Variants in GCNT2 observed in about 807,000 individuals in gnomAD.
GCNT2 encodes the protein N-acetyllactosaminide beta-1,6-N-acetylglucosaminyl-transferase.
Under a neutral mutation model 34.2 loss-of-function variants are expected in GCNT2, and 34 were observed. That is an observed-to-expected ratio of 1.00 (90% confidence interval 0.76 to 1.32). The LOEUF (loss-of-function observed/expected upper bound fraction) is 1.32. Among genes scored for constraint, GCNT2 ranks in the 40% most tolerant of loss-of-function variants. The probability of loss-of-function intolerance (pLI) is 0.00; values close to 1 mark genes in which losing one functional copy is unlikely to be tolerated. For synonymous variants in GCNT2, 212 were observed against 188.0 expected (o/e 1.13, Z -1.04); for missense variants, 584 against 489.4 (o/e 1.19, Z -1.82).
chr6:10,588,992 GGT>G (rs1239060690), intron 3 of GCNT2, among the ~76,000 whole-genome samples: 1 of 143,410 alleles, frequency 7.0e-6, no homozygotes, highest in Non-Finnish European at 1.5e-5. Flanking sequence ...GTGGTTGTGT[GGT>G]GTGGGTGTGT....
At chr6:10,544,570 C>G (rs1288422286) in intron 3 of GCNT2, among the ~76,000 whole-genome samples, 8 of 150,624 alleles carry the variant, frequency 5.3e-5, no homozygotes, top group Admixed American at 2.6e-4. Flanking sequence ...CCACACTGCA[C>G]TCCAGCCTGG....
At chr6:10,560,140 G>C (rs1459524146) in intron 3 of GCNT2, among the ~76,000 whole-genome samples, 1 of 152,126 alleles carries the variant, frequency 6.6e-6, no homozygotes, top group Non-Finnish European at 1.5e-5. Flanking sequence ...CCAGGCTGGA[G>C]TGCAGTGGTG....
chr6:10,614,648 G>GAGAA (rs1765690038), intron 3 of GCNT2, among the ~76,000 whole-genome samples: 1 of 134,824 alleles, frequency 7.4e-6, no homozygotes, highest in African/African-American at 2.9e-5. Flanking sequence ...AAAAAAAAGA[G>GAGAA]AAAAAGAAGA....
chr6:10,582,351 A>ATATACT, intron 3 of GCNT2, among the ~76,000 whole-genome samples: 2 of 111,202 alleles, frequency 1.8e-5, no homozygotes, highest in African/African-American at 4.3e-5. Flanking sequence ...AATATATAGT[A>ATATACT]ATATTAAATA....
intron 3 of GCNT2, among the ~76,000 whole-genome samples, chr6:10,569,863 T>C (rs6940376): frequency 8.6e-6 from 1 of 116,162 alleles, no homozygotes; most frequent in Non-Finnish European, 2.2e-5. Flanking sequence ...TTCTTTCTCT[T>C]TCTTTCTTTC....
rs192169515 is a variant in GCNT2, at chr6:10,628,911, A to G, written c.*2304A>G. 2.0e-5 allele frequency: 3 copies of G among 152,428 alleles called. No homozygotes were observed. The East Asian group carries it at 5.8e-4, about 29-fold the overall frequency. 9.4% of individuals were successfully genotyped at this position (152,428 alleles called of 1,614,324 possible). A position where few individuals can be genotyped will look rare whatever the true frequency, so the allele number is the denominator to read the frequency against. On this transcript the variant is annotated 3_prime_UTR_variant, in exon 5 of 5. Transcript: ENST00000495262. ...GTGGCATGTGCCTGTAATCCCAGCTATTTGGCAGGCTGAGGCATGAGAATC... is the reference window on the plus strand; with the variant it reads ...GTGGCATGTGCCTGTAATCCCAGCTGTTTGGCAGGCTGAGGCATGAGAATC...
In GCNT2 at chr6:10,529,803, G is replaced by A. The variant is rs139794913; in HGVS notation, c.892G>A (p.Glu298Lys). 764 of 1,614,010 alleles carry A rather than the reference G, an allele frequency of 4.7e-4. 3 individuals are homozygous for A. The Middle Eastern group carries it at 5.3e-3, about 11-fold the overall frequency. ...GTCCAAGGACACCTACAGCCCCGAC[G>A]AACATTTCTGGGTGACACTCAACAG... ...SWSKDTYSPD[E>K]HFWVTLNRIP... Residue 298 changes from glutamate (E) to lysine (K), a missense_variant, in exon 3 of 5, where the codon GAA (glutamate) becomes AAA (lysine). Physicochemically the swap from Glu to Lys is moderately conservative, Grantham distance 56. Coordinates refer to ENST00000495262, the MANE Select transcript of GCNT2 (RefSeq NM_145649.5).
At chr6:10,573,724 G>A (rs984988387) in intron 3 of GCNT2, among the ~76,000 whole-genome samples, 4 of 151,614 alleles carry the variant, frequency 2.6e-5, no homozygotes, top group South Asian at 2.1e-4. Context: ...TGACCCCATC[G>A]TTAGCTTTTT....
At chr6:10,562,656 GAAAAAAAAAAAA>G (rs57868433) in intron 3 of GCNT2, among the ~76,000 whole-genome samples, 1 of 77,524 alleles carries the variant, frequency 1.3e-5, no homozygotes, top group Non-Finnish European at 2.7e-5. Flanking sequence ...GAACTTCTCT[GAAAAAAAAAAAA>G]AAAAAAAAAC....
chr6:10,626,519 C>T lies in GCNT2; in HGVS notation c.1121C>T (p.Pro374Leu). The T allele has an allele frequency of 6.2e-7, 1 of 1,613,352 alleles. No homozygotes were observed. The highest frequency in any genetic ancestry group is 8.5e-7 in the Non-Finnish European group (1 of 1,179,322). The change falls in exon 5 of 5, where the codon CCC (proline) becomes CTC (leucine). Residue 374 changes from proline to leucine, a missense_variant. Pro to Leu is a moderately conservative substitution (Grantham distance 98, BLOSUM62 -3). Coordinates refer to ENST00000495262, the MANE Select transcript of GCNT2 (RefSeq NM_145649.5). ...AACAAGTTTGAGCTTAATACCTACC[C>T]CCTTACTGTGGAATGCCTAGAACTG... ...FANKFELNTY[P>L]LTVECLELRH...
intron 3 of GCNT2, among the ~76,000 whole-genome samples, chr6:10,568,173 C>T (rs528300940): frequency 3.0e-4 from 45 of 152,276 alleles, no homozygotes; most frequent in African/African-American, 9.1e-4. Context: ...ACTGACCATT[C>T]ACTTCCCTGT....
chr6:10,540,680 G>A (rs974844224), intron 3 of GCNT2, among the ~76,000 whole-genome samples: 1 of 152,206 alleles, frequency 6.6e-6, no homozygotes, highest in Non-Finnish European at 1.5e-5. Flanking sequence ...AAATGGAAGA[G>A]AAATCGTCTG....
intron 3 of GCNT2, among the ~76,000 whole-genome samples, chr6:10,540,121 A>C (rs1353980847): frequency 6.6e-6 from 1 of 151,838 alleles, no homozygotes; most frequent in Non-Finnish European, 1.5e-5. Context: ...GAAGAAAGTA[A>C]AGGATGGAAG....
intron 3 of GCNT2, among the ~76,000 whole-genome samples, chr6:10,546,968 T>G (rs1208109736): frequency 2.0e-5 from 3 of 152,178 alleles, no homozygotes; most frequent in Non-Finnish European, 2.9e-5. Flanking sequence ...TTTTCTTTTA[T>G]GGTTCATGAT....
At chr6:10,602,536 G>A (rs780225751) in intron 3 of GCNT2, among the ~76,000 whole-genome samples, 1 of 152,140 alleles carries the variant, frequency 6.6e-6, no homozygotes, top group Non-Finnish European at 1.5e-5. Context: ...AATAGATAGG[G>A]ACTTAGTTCC....
chr6:10,598,602 G>T (rs1476157142), intron 3 of GCNT2, among the ~76,000 whole-genome samples: 1 of 152,186 alleles, frequency 6.6e-6, no homozygotes, highest in African/African-American at 2.4e-5. Context: ...TCTGACCAAA[G>T]GAGGAAACTG....
In GCNT2 at chr6:10,584,423, G is replaced by A. The variant is rs150171212; in HGVS notation, c.926-36928G>A. ...CATTTGTCATTCCATTCCCAGGGAC[G>A]TGCGGGAGACAGACGCCTTCCTCTT... On this transcript the variant is annotated intron_variant, in intron 3 of 4. Transcript: ENST00000495262. Among the ~76,000 whole-genome samples the A allele has an allele frequency of 4.8e-3, 735 of 152,256 alleles. 8 individuals carry two copies. The highest frequency in any genetic ancestry group is 0.017 in the African/African-American group (706 of 41,536).
In GCNT2 at chr6:10,527,562, C is replaced by G. The variant is rs938646474; in HGVS notation, c.-380C>G. On this transcript the variant is annotated 5_prime_UTR_variant, in exon 2 of 5. In the 5' UTR this introduces an upstream ATG that the reference lacks. Coordinates refer to ENST00000495262, the MANE Select transcript of GCNT2 (RefSeq NM_145649.5). ...CACCGGGTGCAGCTAACCACCACAT[C>G]ATACAAAACTCGTCGCTGACGTTTT... The G allele has an allele frequency of 2.0e-5, 3 of 152,216 alleles. No homozygotes were observed. Among genetic ancestry groups the G allele is most frequent in the Non-Finnish European group, 4.4e-5 (3 of 68,044 alleles). 9.4% of individuals were successfully genotyped at this position (152,216 alleles called of 1,614,324 possible). A position where few individuals can be genotyped will look rare whatever the true frequency, so the allele number is the denominator to read the frequency against.
intron 1 of GCNT2, among the ~76,000 whole-genome samples, chr6:10,526,412 C>G (rs1388205370): frequency 6.6e-6 from 1 of 152,140 alleles, no homozygotes; most frequent in Non-Finnish European, 1.5e-5. Context: ...AATGTGTTCG[C>G]TTTTAGCTGG....
Sources: gnomAD v4.1 joint callset for allele counts (sites outside exome capture counted in the v4.1 genomes callset) on GRCh38, gnomAD v4.1.1 for gene constraint, MANE v1.5 for transcripts, NCBI Gene and HGNC (gene_info 2026-07-23, HGNC 2026-07-21) for gene names.